THSD7B: variants seen among roughly 807,000 people sequenced by gnomAD.
The protein encoded by THSD7B is thrombospondin type 1 domain containing 7B, also known as thrombospondin type-1 domain-containing protein 7B.
Under a neutral mutation model 213.6 loss-of-function variants are expected in THSD7B, and 138 were observed. The observed-to-expected ratio is 0.65, with a 90% CI of 0.56 to 0.74. The LOEUF (loss-of-function observed/expected upper bound fraction) is 0.74. Among genes scored for constraint, THSD7B ranks in the 30% least tolerant of loss-of-function variants. The pLI is 0.00. For missense variants in THSD7B, 1,931 were observed against 1,991.5 expected, an observed-to-expected ratio of 0.97 and a Z score of 0.58; for synonymous variants, 742 against 687.0, an observed-to-expected ratio of 1.08 and a Z score of -1.25.
At chr2:137,402,693 G>T (rs765226927) in intron 12 of THSD7B, among the ~76,000 whole-genome samples, 2 of 150,956 alleles carry the variant, frequency 1.3e-5, no homozygotes, top group African/African-American at 2.4e-5. Context: ...GTAGACAGTT[G>T]TATTCCCAGC....
intron 5 of THSD7B, among the ~76,000 whole-genome samples, chr2:137,119,507 A>T (rs1057492772): frequency 6.6e-6 from 1 of 152,198 alleles, no homozygotes; most frequent in Non-Finnish European, 1.5e-5. Context: ...GAGCTTGGAG[A>T]GTCCATAAGC....
intron 12 of THSD7B, among the ~76,000 whole-genome samples, chr2:137,354,677 T>C (rs940700599): frequency 1.3e-5 from 2 of 152,136 alleles, no homozygotes; most frequent in Non-Finnish European, 2.9e-5. Flanking sequence ...GTTGCATTTA[T>C]GGTTATGTAT....
chr2:137,459,633 C>G (rs1687842874), intron 15 of THSD7B, among the ~76,000 whole-genome samples: 2 of 151,724 alleles, frequency 1.3e-5, no homozygotes, highest in African/African-American at 4.8e-5. Context: ...CCACTGCACT[C>G]CAACTTGGGT....
intron 17 of THSD7B, among the ~76,000 whole-genome samples, chr2:137,601,062 TG>T (rs1682067731): frequency 6.6e-6 from 1 of 152,124 alleles, no homozygotes; most frequent in Non-Finnish European, 1.5e-5. Flanking sequence ...CTATACAACG[TG>T]TTTGTGTTTT....
At chr2:137,503,144 G>T (rs1476157958) in intron 15 of THSD7B, among the ~76,000 whole-genome samples, 1 of 152,038 alleles carries the variant, frequency 6.6e-6, no homozygotes, top group East Asian at 1.9e-4. Context: ...GCATACCATT[G>T]TTATAACTCT....
intron 12 of THSD7B, among the ~76,000 whole-genome samples, chr2:137,349,467 A>C (rs1371118267): frequency 2.0e-5 from 3 of 151,852 alleles, no homozygotes; most frequent in African/African-American, 2.4e-5. Context: ...CAATTTGTTA[A>C]ATAATGTGTC....
intron 14 of THSD7B, among the ~76,000 whole-genome samples, chr2:137,419,377 T>TTTTTTTTTTTTTGAGAC (rs1386654895): frequency 2.6e-5 from 2 of 77,178 alleles, no homozygotes; most frequent in Admixed American, 1.6e-4. Context: ...CCTGAGTTCT[T>TTTTTTTTTTTTTGAGAC]GTCCCACATC....
chr2:137,523,724 G>T (rs966250719), intron 15 of THSD7B, among the ~76,000 whole-genome samples: 4 of 152,080 alleles, frequency 2.6e-5, no homozygotes, highest in African/African-American at 9.7e-5. Context: ...GCTGGTCATG[G>T]TTACTCCACT....
chr2:137,493,173 G>A (rs1395979716), intron 15 of THSD7B, among the ~76,000 whole-genome samples: 9 of 130,712 alleles, frequency 6.9e-5, no homozygotes, highest in Non-Finnish European at 1.3e-4. Context: ...GGAAAGAAAA[G>A]TATTTTTGAA....
At chr2:137,426,006 AC>A (rs1316570986) in intron 14 of THSD7B, among the ~76,000 whole-genome samples, 1 of 152,202 alleles carries the variant, frequency 6.6e-6, no homozygotes, top group Non-Finnish European at 1.5e-5. Flanking sequence ...AAATCAACAT[AC>A]AAAAATCAGT....
intron 2 of THSD7B, among the ~76,000 whole-genome samples, chr2:136,907,571 G>A (rs925948633): frequency 1.3e-5 from 2 of 151,918 alleles, no homozygotes; most frequent in Non-Finnish European, 2.9e-5. Flanking sequence ...CATGAAGGAA[G>A]TCATTTATTT....
At chr2:137,213,829 G>C (rs1008068122) in intron 7 of THSD7B, among the ~76,000 whole-genome samples, 3 of 152,048 alleles carry the variant, frequency 2.0e-5, no homozygotes, top group Non-Finnish European at 4.4e-5. Flanking sequence ...AGGTAGAGTT[G>C]GCTCACAGAG....
At chr2:137,222,591 A>C (rs1681395413) in intron 7 of THSD7B, among the ~76,000 whole-genome samples, 3 of 152,202 alleles carry the variant, frequency 2.0e-5, no homozygotes, top group Admixed American at 2.0e-4. Context: ...CTTCGTGGGC[A>C]AGAAACCCTC....
intron 14 of THSD7B, among the ~76,000 whole-genome samples, chr2:137,447,058 G>C (rs1173183302): frequency 6.6e-6 from 1 of 151,840 alleles, no homozygotes; most frequent in Non-Finnish European, 1.5e-5. Flanking sequence ...TTTCCTTTGG[G>C]GTATACTCTG....
intron 2 of THSD7B, among the ~76,000 whole-genome samples, chr2:136,950,666 C>T (rs755066332): frequency 9.9e-5 from 15 of 152,176 alleles, no homozygotes; most frequent in Non-Finnish European, 1.6e-4. Context: ...AAGATCTCAT[C>T]GCCTTCTGCA....
At chr2:137,411,470 C>T in intron 13 of THSD7B, 139 bp from the exon 14 acceptor site, 1 of 791,726 alleles carries the variant, frequency 1.3e-6, no homozygotes. Flanking sequence ...TCAGGATTTA[C>T]TTTCATGACA....
chr2:137,440,493 G>A (rs1486994167), intron 14 of THSD7B, among the ~76,000 whole-genome samples: 1 of 150,594 alleles, frequency 6.6e-6, no homozygotes, highest in Non-Finnish European at 1.5e-5. Flanking sequence ...ATATGAGTAA[G>A]TTTTGGCCTT....
intron 7 of THSD7B, among the ~76,000 whole-genome samples, chr2:137,203,098 AT>A (rs906904937): frequency 3.3e-5 from 5 of 151,994 alleles, no homozygotes; most frequent in African/African-American, 1.2e-4. Flanking sequence ...GATTGTTGAT[AT>A]TTTTCAAGCT....
chr2:137,091,102 A>G (rs1235455137), intron 3 of THSD7B, among the ~76,000 whole-genome samples: 1 of 152,242 alleles, frequency 6.6e-6, no homozygotes, highest in Admixed American at 6.5e-5. Flanking sequence ...AATAGGACAT[A>G]TGCTATTTCT....
Sources: gnomAD v4.1 joint callset for allele counts (sites outside exome capture counted in the v4.1 genomes callset) on GRCh38, gnomAD v4.1.1 for gene constraint, MANE v1.5 for transcripts, NCBI Gene and HGNC (gene_info 2026-07-23, HGNC 2026-07-21) for gene names.